Variants in MTRR observed in about 807,000 individuals in gnomAD.
The protein encoded by MTRR is 5-methyltetrahydrofolate-homocysteine methyltransferase reductase.
In MTRR, 63 loss-of-function variants were observed where a neutral mutation model predicts 79.2. The observed-to-expected ratio is 0.80, with a 90% confidence interval of 0.65 to 0.98. The LOEUF (loss-of-function observed/expected upper bound fraction) is 0.98, where lower values mean the gene tolerates loss of function less well. MTRR is among the 50% of genes least tolerant of loss of function. MTRR has a pLI of 0.00. For synonymous variants in MTRR, 355 were observed against 313.3 expected (o/e 1.13, Z -1.41); for missense variants, 895 against 839.6 (o/e 1.07, Z -0.82).
chr5:7,872,475 A>G (rs1318695580), intron 2 of MTRR, among the ~76,000 whole-genome samples: 1 of 152,252 alleles, frequency 6.6e-6, no homozygotes, highest in African/African-American at 2.4e-5. Context: ...GAATAAGAAT[A>G]AACTTGATTT....
At chr5:7,871,393 C>T (rs1214946601) in intron 2 of MTRR, among the ~76,000 whole-genome samples, 1 of 152,198 alleles carries the variant, frequency 6.6e-6, no homozygotes, top group Non-Finnish European at 1.5e-5. Context: ...GGAAAAAACT[C>T]GGCTGCTTCT....
At position 7,900,111 on chromosome 5, in the gene MTRR, G is replaced by A; in HGVS notation, c.*53G>A. The A allele has an allele frequency of 6.2e-7, 1 of 1,602,904 alleles. No individual in the cohort carries two copies. The highest frequency in any genetic ancestry group is 1.3e-5 in the African/African-American group (1 of 74,276). On this transcript the variant is annotated 3_prime_UTR_variant, in exon 15 of 15. Transcript: ENST00000440940. ...GCTTTTTTGACTGAAAGTACTAAAAGTCAGCTTTACTAGTGCCAAACCTTT... is the reference window on the plus strand; with the variant it reads ...GCTTTTTTGACTGAAAGTACTAAAAATCAGCTTTACTAGTGCCAAACCTTT...
intron 4 of MTRR, among the ~76,000 whole-genome samples, chr5:7,876,307 T>C (rs1734552166): frequency 6.6e-6 from 1 of 152,230 alleles, no homozygotes; most frequent in Non-Finnish European, 1.5e-5. Flanking sequence ...GAATTCACTT[T>C]AGCTCTGTAC....
chr5:7,886,506 C>T lies in MTRR; in HGVS notation c.1058-109C>T, dbSNP rs1186787152. On this transcript the variant is annotated intron_variant, in intron 7 of 14. Transcript: ENST00000440940. ...AAACATTGCCACAAGTCATGTTGCA[C>T]TTTGATGCGCTGTAAAGTACTACAG... The T allele has an allele frequency of 9.1e-6, 8 of 878,006 alleles. No homozygotes were observed. In the East Asian group the frequency reaches 1.7e-4, roughly 19 times the overall value. The allele number at this position is 878,006 out of a possible 1,614,324, so 54.4% of individuals were successfully genotyped here.
intron 2 of MTRR, chr5:7,863,200 CT>C: frequency 1.8e-6 from 1 of 549,974 alleles, no homozygotes; most frequent in South Asian, 2.3e-5. Context: ...TTCAAAATGT[CT>C]TTTATATGTG....
chr5:7,900,347 C>G lies in MTRR; in HGVS notation c.*289C>G. On this transcript the variant is annotated 3_prime_UTR_variant, in exon 15 of 15. Transcript: ENST00000440940. Reference sequence around the variant, plus strand: ...TCAGTCCCTATCAGCGCCTCCTTTACTTCCCAGAGAACTTCACAGAGACTC... The same window carrying G: ...TCAGTCCCTATCAGCGCCTCCTTTAGTTCCCAGAGAACTTCACAGAGACTC... 2 of 384,566 alleles carry G rather than the reference C, an allele frequency of 5.2e-6. No individual in the cohort carries two copies. Among genetic ancestry groups the G allele is most frequent in the Non-Finnish European group, 9.6e-6 (2 of 209,338 alleles). 23.8% of individuals were successfully genotyped at this position (384,566 alleles called of 1,614,324 possible).
chr5:7,865,220 G>T (rs551880822), upstream of MTRR, among the ~76,000 whole-genome samples: 18 of 152,230 alleles, frequency 1.2e-4, no homozygotes, highest in African/African-American at 4.3e-4. Context: ...AGAGATCGGG[G>T]TTAACTATTA....
intron 3 of MTRR, among the ~76,000 whole-genome samples, chr5:7,873,970 A>G (rs1387404452): frequency 6.6e-6 from 1 of 152,224 alleles, no homozygotes; most frequent in Non-Finnish European, 1.5e-5. Context: ...GCTACACATC[A>G]GGATTAGCTA....
At chr5:7,862,789 G>C (rs1188264189) in intron 2 of MTRR, 1 of 1,565,048 alleles carries the variant, frequency 6.4e-7, no homozygotes, top group Non-Finnish European at 8.7e-7. Flanking sequence ...AGGATGCTTA[G>C]GTTTAAAACA....
chr5:7,899,789 A>T, intron 14 of MTRR, 125 bp from the exon 15 acceptor site: 1 of 1,253,032 alleles, frequency 8.0e-7, no homozygotes, highest in Admixed American at 1.7e-5. Flanking sequence ...TCTGTGTGAG[A>T]TGTTCTGAGA....
upstream of MTRR, chr5:7,851,143 C>A: frequency 2.5e-6 from 3 of 1,178,810 alleles, no homozygotes; most frequent in South Asian, 4.4e-5. Context: ...TGTGTTCGGT[C>A]GTTGCCTGGA....
upstream of MTRR, chr5:7,865,960 A>G (rs759064295): frequency 1.9e-5 from 31 of 1,613,920 alleles, no homozygotes; most frequent in African/African-American, 8.0e-5. Flanking sequence ...GCCCGACTCA[A>G]TGTGTCCAAA....
chr5:7,877,497 G>A (rs1403591849), intron 4 of MTRR, among the ~76,000 whole-genome samples: 1 of 125,856 alleles, frequency 7.9e-6, no homozygotes, highest in Admixed American at 8.2e-5. Context: ...CAGTAAATTG[G>A]CTAGGCAAAA....
In MTRR at chr5:7,869,154, C is replaced by T. The variant is rs1251261521; in HGVS notation, c.-87C>T. ...CGAGCATGGGCGCTGCGTCAGTGCG[C>T]GCTGGCGCAAGGTTGGTGGAAGTCG... is the stretch of plus-strand genomic sequence containing the variant. On this transcript the variant is annotated 5_prime_UTR_variant, in exon 1 of 15. Transcript: ENST00000440940. 13 of 1,613,024 alleles carry T rather than the reference C, an allele frequency of 8.1e-6. No individual in the cohort carries two copies. The highest frequency in any genetic ancestry group is 2.2e-5 in the East Asian group (1 of 44,878).
intron 9 of MTRR, among the ~76,000 whole-genome samples, chr5:7,889,523 T>G (rs951323792): frequency 6.6e-6 from 1 of 152,204 alleles, no homozygotes; most frequent in African/African-American, 2.4e-5. Context: ...TTTTCTTTTT[T>G]TTCCTTCCAG....
intron 12 of MTRR, chr5:7,896,663 C>T: frequency 1.6e-6 from 1 of 614,718 alleles, no homozygotes; most frequent in East Asian, 2.8e-5. Context: ...TGCCTCTCCA[C>T]ACACTTGCCT....
In MTRR at chr5:7,869,220, G is replaced by A. The variant is rs566615968; in HGVS notation, c.-26+5G>A. 2.5e-6 allele frequency: 4 copies of A among 1,605,300 alleles called. No individual in the cohort carries two copies. Among genetic ancestry groups the A allele is most frequent in the African/African-American group, 1.3e-5 (1 of 75,036 alleles). On this transcript the variant is annotated splice_donor_5th_base_variant and intron_variant, in intron 1 of 14. Transcript: ENST00000440940. ...TGCCCGGCTGGCGCGGCGTGGGTAA[G>A]CTGCCTGTCGGCTACGGTTCCCGGA...
chr5:7,867,719 A>G (rs1276281026), upstream of MTRR: 3 of 1,614,202 alleles, frequency 1.9e-6, no homozygotes, highest in South Asian at 2.2e-5. Context: ...CAGGGTTTCC[A>G]TCGTGCTTAT....
At chr5:7,859,468 A>C in intron 1 of MTRR, 2 of 1,607,686 alleles carry the variant, frequency 1.2e-6, no homozygotes, top group East Asian at 2.2e-5. Flanking sequence ...TGTTTTGAGA[A>C]AACAGTTTTC....
Sources: gnomAD v4.1 joint callset for allele counts (sites outside exome capture counted in the v4.1 genomes callset) on GRCh38, gnomAD v4.1.1 for gene constraint, MANE v1.5 for transcripts, NCBI Gene and HGNC (gene_info 2026-07-23, HGNC 2026-07-21) for gene names.